Variants in KCNQ5 observed in about 807,000 individuals in gnomAD.
The protein encoded by KCNQ5 is potassium voltage-gated channel subfamily KQT member 5.
In KCNQ5, 30 loss-of-function variants were observed where a neutral mutation model predicts 98.2. The observed-to-expected ratio is 0.31, with a 90% CI of 0.23 to 0.41. KCNQ5 has a LOEUF of 0.41. Among genes scored for constraint, KCNQ5 ranks in the 10% least tolerant of loss-of-function variants. The probability of loss-of-function intolerance (pLI) is 1.00; values close to 1 mark genes in which losing one functional copy is unlikely to be tolerated. For synonymous variants in KCNQ5, 458 were observed against 449.4 expected (o/e 1.02, Z -0.24); for missense variants, 835 against 1,182.5 (o/e 0.71, Z 4.31).
At chr6:72,935,600 T>C (rs1276520479) in intron 1 of KCNQ5, among the ~76,000 whole-genome samples, 1 of 152,158 alleles carries the variant, frequency 6.6e-6, no homozygotes, top group African/African-American at 2.4e-5. Context: ...TTTGACATGA[T>C]CTAATATATC....
chr6:72,937,947 A>C (rs1766022738), intron 1 of KCNQ5, among the ~76,000 whole-genome samples: 1 of 152,176 alleles, frequency 6.6e-6, no homozygotes, highest in Admixed American at 6.5e-5. Context: ...AGGCTTTATA[A>C]CTTACAATTG....
At chr6:72,756,889 T>C (rs1771999327) in intron 1 of KCNQ5, among the ~76,000 whole-genome samples, 1 of 152,144 alleles carries the variant, frequency 6.6e-6, no homozygotes, top group Non-Finnish European at 1.5e-5. Context: ...AAAACAATCA[T>C]CTTTAATTCC....
chr6:73,186,272 T>A (rs1778569396), intron 11 of KCNQ5, among the ~76,000 whole-genome samples: 1 of 152,058 alleles, frequency 6.6e-6, no homozygotes, highest in South Asian at 2.1e-4. Flanking sequence ...CTTTTAAACA[T>A]TCCCTCCACA....
intron 1 of KCNQ5, among the ~76,000 whole-genome samples, chr6:72,634,421 T>C (rs1048459995): frequency 6.6e-6 from 1 of 152,254 alleles, no homozygotes; most frequent in Non-Finnish European, 1.5e-5. Context: ...AATTACATTA[T>C]TACATTGTAT....
chr6:72,690,905 A>T (rs1444279002), intron 1 of KCNQ5, among the ~76,000 whole-genome samples: 1 of 152,028 alleles, frequency 6.6e-6, no homozygotes, highest in South Asian at 2.1e-4. Flanking sequence ...AATAATGAAA[A>T]TTATATTTAT....
intron 1 of KCNQ5, among the ~76,000 whole-genome samples, chr6:72,801,170 C>T (rs2150093164): frequency 6.6e-6 from 1 of 151,282 alleles, no homozygotes; most frequent in South Asian, 2.1e-4. Flanking sequence ...AGTTCAATTC[C>T]TGGGTATCCT....
chr6:72,640,750 C>T (rs988043032), intron 1 of KCNQ5: 4 of 152,068 alleles, frequency 2.6e-5, no homozygotes, highest in Admixed American at 1.3e-4. Flanking sequence ...AAACAGCCTG[C>T]AAAAATGTTA....
chr6:73,180,006 T>G (rs1032477913), intron 11 of KCNQ5, among the ~76,000 whole-genome samples: 1 of 151,936 alleles, frequency 6.6e-6, no homozygotes, highest in African/African-American at 2.4e-5. Flanking sequence ...GATGAATGAA[T>G]GAATGAATGA....
intron 1 of KCNQ5, among the ~76,000 whole-genome samples, chr6:72,931,968 A>C (rs1765713422): frequency 6.6e-6 from 1 of 152,074 alleles, no homozygotes; most frequent in South Asian, 2.1e-4. Context: ...CCAAAAACCC[A>C]CCAGGCACTG....
intron 1 of KCNQ5, among the ~76,000 whole-genome samples, chr6:72,839,251 G>A (rs1381651522): frequency 6.6e-6 from 1 of 151,974 alleles, no homozygotes. Context: ...AATTGTCTTG[G>A]TATACTGGTG....
intron 1 of KCNQ5, among the ~76,000 whole-genome samples, chr6:72,905,949 C>T (rs376458577): frequency 1.3e-5 from 2 of 152,046 alleles, no homozygotes; most frequent in Admixed American, 6.5e-5. Context: ...TGGACAGGGC[C>T]GTAGAACTCC....
At position 72,907,979 on chromosome 6, in the gene KCNQ5, C is replaced by T. The variant is rs371941544; in HGVS notation, c.399-95929C>T. ...GCTGTGACATCAGTGGAGATACAGG[C>T]TTTTCTTTTCTTAAGAAATTAGCAC... On this transcript the variant is annotated intron_variant, in intron 1 of 13. Transcript: ENST00000370398. Among the ~76,000 whole-genome samples the T allele has an allele frequency of 2.0e-4, 31 of 152,120 alleles. No individual in the cohort carries two copies. The South Asian group carries it at 6.4e-3, about 32-fold the overall frequency.
At chr6:72,940,959 C>T (rs1018685169) in intron 1 of KCNQ5, among the ~76,000 whole-genome samples, 1 of 151,834 alleles carries the variant, frequency 6.6e-6, no homozygotes, top group Non-Finnish European at 1.5e-5. Flanking sequence ...AAACTTAAGT[C>T]ATAAAGAAAA....
intron 1 of KCNQ5, among the ~76,000 whole-genome samples, chr6:72,660,725 G>C (rs1766475335): frequency 6.6e-6 from 1 of 152,122 alleles, no homozygotes; most frequent in Non-Finnish European, 1.5e-5. Flanking sequence ...TAAAATCGTT[G>C]CTCATTCAGG....
chr6:72,750,514 G>A (rs748642307), intron 1 of KCNQ5, among the ~76,000 whole-genome samples: 6 of 151,972 alleles, frequency 3.9e-5, no homozygotes, highest in Non-Finnish European at 8.8e-5. Flanking sequence ...GTCGGTTATA[G>A]ACTGAGCTGT....
chr6:72,953,291 C>T (rs1766895248), intron 1 of KCNQ5, among the ~76,000 whole-genome samples: 1 of 152,178 alleles, frequency 6.6e-6, no homozygotes, highest in African/African-American at 2.4e-5. Context: ...GACTTACAGC[C>T]AACTAGCTAC....
intron 10 of KCNQ5, among the ~76,000 whole-genome samples, chr6:73,147,766 T>A (rs1776982179): frequency 6.6e-6 from 1 of 152,172 alleles, no homozygotes; most frequent in Non-Finnish European, 1.5e-5. Flanking sequence ...TTAATAAAAA[T>A]TGTTTGGGGG....
chr6:72,660,846 G>A (rs910695988), intron 1 of KCNQ5, among the ~76,000 whole-genome samples: 13 of 152,144 alleles, frequency 8.5e-5, no homozygotes, highest in African/African-American at 1.2e-4. Flanking sequence ...AGATAAAGAA[G>A]AATTTGTTCA....
intron 1 of KCNQ5, among the ~76,000 whole-genome samples, chr6:72,736,829 C>T (rs1238229550): frequency 1.3e-5 from 2 of 151,932 alleles, no homozygotes; most frequent in South Asian, 2.1e-4. Flanking sequence ...AAAAAATTTA[C>T]GTAGGCAATA....
Sources: gnomAD v4.1 joint callset for allele counts (sites outside exome capture counted in the v4.1 genomes callset) on GRCh38, gnomAD v4.1.1 for gene constraint, MANE v1.5 for transcripts, NCBI Gene and HGNC (gene_info 2026-07-23, HGNC 2026-07-21) for gene names.